The following ARHGAP24 variants were observed in gnomAD, a reference collection of about 807,000 sequenced individuals.
ARHGAP24 encodes the protein rho GTPase-activating protein 24.
In ARHGAP24, 50 loss-of-function variants were observed where a neutral mutation model predicts 76.4. That is an observed-to-expected ratio of 0.65 (90% CI 0.52 to 0.83). The LOEUF is 0.83. Among genes scored for constraint, ARHGAP24 ranks in the 40% least tolerant of loss-of-function variants. The pLI is 0.00. For synonymous variants in ARHGAP24, 345 were observed against 323.3 expected, an observed-to-expected ratio of 1.07 and a Z score of -0.72; for missense variants, 930 against 914.2, an observed-to-expected ratio of 1.02 and a Z score of -0.22.
chr4:85,532,374 T>A lies in ARHGAP24; in HGVS notation c.-20-38148T>A, dbSNP rs186644430. Among the ~76,000 whole-genome samples the A allele has an allele frequency of 8.5e-5, 13 of 152,258 alleles. No homozygotes were observed. In the East Asian group the frequency reaches 1.7e-3, roughly 20 times the overall value. On this transcript the variant is annotated intron_variant, in intron 1 of 9. Coordinates refer to ENST00000395184, the MANE Select transcript of ARHGAP24 (RefSeq NM_001025616.3). ...AGGAGTGAGGGCTGTGGATGGCCAA[T>A]GGAGAATAATTAACACAAATACTCA...
intron 2 of ARHGAP24, among the ~76,000 whole-genome samples, chr4:85,706,369 T>C (rs1724307990): frequency 6.6e-6 from 1 of 152,178 alleles, no homozygotes; most frequent in African/African-American, 2.4e-5. Context: ...ACTGATAATG[T>C]AAAATTTCAT....
chr4:85,638,733 A>G (rs1257824933), intron 2 of ARHGAP24, among the ~76,000 whole-genome samples: 1 of 152,168 alleles, frequency 6.6e-6, no homozygotes, highest in Non-Finnish European at 1.5e-5. Context: ...GTATACTATC[A>G]TGGGTAGATA....
chr4:85,938,017 C>T (rs1168898741), intron 4 of ARHGAP24, among the ~76,000 whole-genome samples: 1 of 152,160 alleles, frequency 6.6e-6, no homozygotes, highest in African/African-American at 2.4e-5. Context: ...ACTTCATAGG[C>T]AGCCTCTAGC....
At chr4:85,665,182 A>G (rs1210856327) in intron 2 of ARHGAP24, among the ~76,000 whole-genome samples, 1 of 152,144 alleles carries the variant, frequency 6.6e-6, no homozygotes, top group Non-Finnish European at 1.5e-5. Flanking sequence ...GACTTGCTTT[A>G]TGAATCTGAG....
At chr4:85,724,253 C>T (rs1428628216) in intron 3 of ARHGAP24, among the ~76,000 whole-genome samples, 1 of 152,132 alleles carries the variant, frequency 6.6e-6, no homozygotes, top group Non-Finnish European at 1.5e-5. Context: ...CAACAAGTGT[C>T]TATCTTTACG....
chr4:85,641,647 G>C (rs950804278), intron 2 of ARHGAP24, among the ~76,000 whole-genome samples: 3 of 152,220 alleles, frequency 2.0e-5, no homozygotes, highest in African/African-American at 7.2e-5. Flanking sequence ...TCAAGCTGGG[G>C]TTCCCCCAAA....
At chr4:85,800,254 A>C (rs1324391283) in intron 3 of ARHGAP24, among the ~76,000 whole-genome samples, 1 of 152,118 alleles carries the variant, frequency 6.6e-6, no homozygotes, top group Non-Finnish European at 1.5e-5. Flanking sequence ...TTATTTCAAA[A>C]TTTGTAAAGC....
chr4:85,874,196 A>T (rs1371761467), intron 3 of ARHGAP24, among the ~76,000 whole-genome samples: 1 of 152,188 alleles, frequency 6.6e-6, no homozygotes, highest in Non-Finnish European at 1.5e-5. Context: ...GGGCATTGTC[A>T]CTTAGCATAA....
At chr4:85,863,041 GC>G (rs1731989855) in intron 3 of ARHGAP24, among the ~76,000 whole-genome samples, 1 of 152,080 alleles carries the variant, frequency 6.6e-6, no homozygotes, top group Non-Finnish European at 1.5e-5. Context: ...GGAGCTGCCT[GC>G]GCTCCTCACC....
chr4:85,623,600 T>G (rs1357512599), intron 2 of ARHGAP24, among the ~76,000 whole-genome samples: 1 of 152,130 alleles, frequency 6.6e-6, no homozygotes, highest in African/African-American at 2.4e-5. Context: ...ATATGAACTT[T>G]AAAGTAGTTT....
intron 2 of ARHGAP24, among the ~76,000 whole-genome samples, chr4:85,688,921 A>G (rs1260661447): frequency 1.3e-5 from 2 of 152,140 alleles, no homozygotes; most frequent in African/African-American, 4.8e-5. Context: ...CTGTTTTTGT[A>G]CCAGAACCAT....
At chr4:85,867,078 A>G (rs979162079) in intron 3 of ARHGAP24, among the ~76,000 whole-genome samples, 2 of 152,156 alleles carry the variant, frequency 1.3e-5, no homozygotes, top group Non-Finnish European at 2.9e-5. Flanking sequence ...TGGACTTTTC[A>G]GCATACTAGA....
chr4:85,669,612 A>G (rs1446236759), intron 2 of ARHGAP24, among the ~76,000 whole-genome samples: 1 of 146,232 alleles, frequency 6.8e-6, no homozygotes, highest in Non-Finnish European at 1.5e-5. Context: ...TTAAAAAGTT[A>G]CAGGGTAGAC....
Position 85,995,195 on chromosome 4 carries a change from A to G in ARHGAP24, c.1541A>G (p.Asn514Ser), listed in dbSNP as rs769996754. The G allele has an allele frequency of 1.2e-6, 2 of 1,613,996 alleles. No individual in the cohort carries two copies. The highest frequency in any genetic ancestry group is 1.1e-5 in the South Asian group (1 of 91,064). Residue 514 changes from asparagine (N) to serine (S), a missense_variant, in exon 9 of 10, where the codon AAC becomes AGC. Asn to Ser is a conservative substitution (Grantham distance 46). Transcript: ENST00000395184. ...LPNGYVTLRDNKQKEQAGELG... is the reference protein window; with the variant it reads ...LPNGYVTLRDSKQKEQAGELG... ...AATGGCTATGTGACCCTGAGGGATA[A>G]CAAGCAGAAAGAACAAGCTGGAGAG...
At chr4:85,942,431 A>G in intron 5 of ARHGAP24, 158 bp downstream of exon 5, 1 of 873,074 alleles carries the variant, frequency 1.1e-6, no homozygotes, top group South Asian at 1.7e-5. Flanking sequence ...ATTAAGTTAC[A>G]AAGTCAAAAA....
chr4:85,499,905 G>A (rs563960124), intron 1 of ARHGAP24, among the ~76,000 whole-genome samples: 1 of 151,872 alleles, frequency 6.6e-6, no homozygotes, highest in Admixed American at 6.6e-5. Context: ...TTAATTATTG[G>A]AAAAAAAGTT....
chr4:85,533,307 C>A (rs916330497), intron 1 of ARHGAP24, among the ~76,000 whole-genome samples: 1 of 152,156 alleles, frequency 6.6e-6, no homozygotes, highest in Non-Finnish European at 1.5e-5. Context: ...ATAAAGAAAT[C>A]TCCTAGTTTT....
chr4:85,590,416 G>A lies in ARHGAP24; in HGVS notation c.180+19695G>A, dbSNP rs547985009. Reference sequence around the variant, plus strand: ...GCTCTGTCGCCCAGGCTGGAGTGCAGTGGTGAGATCTCGGCTCATTGCAAC... The same window carrying A: ...GCTCTGTCGCCCAGGCTGGAGTGCAATGGTGAGATCTCGGCTCATTGCAAC... On this transcript the variant is annotated intron_variant, in intron 2 of 9. Coordinates refer to ENST00000395184, the MANE Select transcript of ARHGAP24 (RefSeq NM_001025616.3). 7.2e-5 allele frequency among the ~76,000 whole-genome samples: 11 copies of A among 151,880 alleles called. No individual in the cohort carries two copies. The South Asian group carries it at 2.3e-3, about 32-fold the overall frequency.
At chr4:85,515,346 C>T (rs1724453619) in intron 1 of ARHGAP24, among the ~76,000 whole-genome samples, 1 of 149,426 alleles carries the variant, frequency 6.7e-6, no homozygotes, top group Non-Finnish European at 1.5e-5. Flanking sequence ...ACTTCTTCAT[C>T]CTATATCCAC....
Sources: allele counts gnomAD v4.1 joint callset (sites outside exome capture counted in the v4.1 genomes callset), GRCh38; gene constraint gnomAD v4.1.1; transcripts MANE v1.5; gene names NCBI Gene and HGNC (gene_info 2026-07-23, HGNC 2026-07-21).